The following NTRK3 variants were observed in gnomAD, a reference collection of about 807,000 sequenced individuals.
The protein encoded by NTRK3 is neurotrophic receptor tyrosine kinase 3.
NTRK3 carries 24 observed loss-of-function variants against 91.7 expected under a neutral mutation model. That is an observed-to-expected ratio of 0.26 (90% CI 0.19 to 0.37). NTRK3 has a LOEUF of 0.37. Ranked by LOEUF, NTRK3 falls within the 10% of genes least tolerant of loss-of-function variation. NTRK3 has a pLI of 1.00. For missense variants in NTRK3, 880 were observed against 1,068.9 expected (o/e 0.82, Z 2.46); for synonymous variants, 483 against 404.0 (o/e 1.20, Z -2.34).
chr15:87,867,458 GTTT>G (rs2064715041), exon 19 of NTRK3: 1 of 230,166 alleles, frequency 4.3e-6, no homozygotes, highest in Non-Finnish European at 8.6e-6. Flanking sequence ...TGGGGGGGAT[GTTT>G]GCAAACTTGT....
intron 3 of NTRK3, among the ~76,000 whole-genome samples, chr15:88,217,851 C>T (rs564326892): frequency 4.6e-5 from 7 of 151,930 alleles, no homozygotes; most frequent in East Asian, 1.9e-4. Flanking sequence ...CTCCGCCTCC[C>T]GGGTTCCCGC....
chr15:88,254,851 G>C (rs967308535), intron 3 of NTRK3, among the ~76,000 whole-genome samples: 13 of 152,178 alleles, frequency 8.5e-5, no homozygotes, highest in Admixed American at 2.6e-4. Flanking sequence ...AGCAATTCCA[G>C]TATGGTCCAC....
At chr15:87,901,275 G>A (rs952581509) in intron 17 of NTRK3, among the ~76,000 whole-genome samples, 16 of 152,254 alleles carry the variant, frequency 1.1e-4, no homozygotes, top group Admixed American at 3.9e-4. Context: ...AGAAATCACA[G>A]TTGGAGAGTT....
At chr15:88,057,671 T>C (rs577076878) in intron 13 of NTRK3, among the ~76,000 whole-genome samples, 149 of 152,288 alleles carry the variant, frequency 9.8e-4, no homozygotes, top group African/African-American at 3.4e-3. Context: ...GGAAATATGA[T>C]CAGTGCCTTC....
intron 5 of NTRK3, among the ~76,000 whole-genome samples, chr15:88,172,187 A>T (rs2045585911): frequency 6.6e-6 from 1 of 152,244 alleles, no homozygotes; most frequent in African/African-American, 2.4e-5. Flanking sequence ...TTAACCCAGC[A>T]AGAAAAGAGA....
chr15:88,151,132 C>T (rs1274055671), intron 5 of NTRK3, among the ~76,000 whole-genome samples: 1 of 152,136 alleles, frequency 6.6e-6, no homozygotes, highest in East Asian at 1.9e-4. Context: ...AGCCATCTGA[C>T]CATTGAATTA....
At chr15:88,067,532 G>A (rs2046757687) in intron 13 of NTRK3, among the ~76,000 whole-genome samples, 1 of 152,158 alleles carries the variant, frequency 6.6e-6, no homozygotes, top group African/African-American at 2.4e-5. Flanking sequence ...TTCTACACGT[G>A]CTCAGCAGCT....
intron 14 of NTRK3, among the ~76,000 whole-genome samples, chr15:87,951,964 T>TA (rs1357545637): frequency 1.3e-5 from 2 of 151,708 alleles, no homozygotes; most frequent in East Asian, 1.9e-4. Context: ...AAGTTTCCAC[T>TA]AAAAAAACAA....
chr15:88,136,452 G>A lies in NTRK3; in HGVS notation c.765+15C>T, dbSNP rs199988727. On this transcript the variant is annotated intron_variant, in intron 8 of 18. Transcript: ENST00000394480. ...TCCCTAGCCTCCTGATGGGGCTGAA[G>A]CCCAGGATGCCTACCTGGTGAGTGT... 7.3e-5 allele frequency: 118 copies of A among 1,614,088 alleles called. No homozygotes were observed. The African/African-American group carries it at 1.5e-3, about 20-fold the overall frequency.
intron 17 of NTRK3, among the ~76,000 whole-genome samples, chr15:87,894,527 A>C (rs2066012792): frequency 6.6e-6 from 1 of 152,188 alleles, no homozygotes; most frequent in African/African-American, 2.4e-5. Context: ...GGGGTTGGTG[A>C]AACTTCCCTT....
intron 5 of NTRK3, among the ~76,000 whole-genome samples, chr15:88,168,171 C>T (rs1163504529): frequency 6.6e-6 from 1 of 152,102 alleles, no homozygotes; most frequent in Admixed American, 6.5e-5. Context: ...GGGGGCAGGA[C>T]AAGAATATTC....
At chr15:88,013,629 A>T (rs1408842704) in intron 14 of NTRK3, among the ~76,000 whole-genome samples, 1 of 152,262 alleles carries the variant, frequency 6.6e-6, no homozygotes, top group East Asian at 1.9e-4. Context: ...TTTCAATGCC[A>T]GTAGGAACTC....
intron 13 of NTRK3, among the ~76,000 whole-genome samples, chr15:88,119,334 GAGA>G (rs1392652963): frequency 6.6e-6 from 1 of 152,238 alleles, no homozygotes; most frequent in Non-Finnish European, 1.5e-5. Flanking sequence ...GTTCAAAGCA[GAGA>G]AGGAGACGCA....
Position 88,061,729 on chromosome 15 carries a change from C to G in NTRK3, c.1397-28684G>C, listed in dbSNP as rs908577272. Among the ~76,000 whole-genome samples the G allele has an allele frequency of 5.3e-5, 8 of 152,292 alleles. No individual in the cohort carries two copies. The East Asian group carries it at 1.5e-3, about 29-fold the overall frequency. On this transcript the variant is annotated intron_variant, in intron 13 of 18. Transcript: ENST00000394480. ...AGAGAGGCTGGGCTGGTTCCAGGGC[C>G]CGGAGGCTCCGTTCTGGAACCCTTT...
intron 17 of NTRK3, among the ~76,000 whole-genome samples, chr15:87,890,556 C>T (rs1596108248): frequency 1.4e-5 from 2 of 141,618 alleles, no homozygotes; most frequent in South Asian, 4.6e-4. Context: ...AAAGCATTAC[C>T]AATGCTTGTT....
chr15:88,248,079 C>T (rs564957459), intron 3 of NTRK3, among the ~76,000 whole-genome samples: 9 of 152,230 alleles, frequency 5.9e-5, no homozygotes, highest in Non-Finnish European at 1.3e-4. Flanking sequence ...GCACCAGGGG[C>T]ATAGTCCTGC....
intron 13 of NTRK3, among the ~76,000 whole-genome samples, chr15:88,095,157 T>C (rs535704901): frequency 2.0e-5 from 3 of 152,360 alleles, no homozygotes; most frequent in Non-Finnish European, 2.9e-5. Context: ...TTGTGTTCTC[T>C]AGGGGTTGAC....
chr15:88,013,491 C>A (rs1437053744), intron 14 of NTRK3, among the ~76,000 whole-genome samples: 1 of 152,180 alleles, frequency 6.6e-6, no homozygotes. Flanking sequence ...TGTTTGTCAA[C>A]TGTAAATCGT....
intron 17 of NTRK3, chr15:87,927,098 GC>G (rs1344503954): frequency 6.6e-6 from 1 of 152,202 alleles, no homozygotes; most frequent in Non-Finnish European, 1.5e-5. Context: ...GTCTGCCCTG[GC>G]CATCGGTCTA....
Sources: allele counts gnomAD v4.1 joint callset (sites outside exome capture counted in the v4.1 genomes callset), GRCh38; gene constraint gnomAD v4.1.1; transcripts MANE v1.5; gene names NCBI Gene and HGNC (gene_info 2026-07-23, HGNC 2026-07-21).